The following ACTA2 variants were observed in gnomAD, a reference collection of about 807,000 sequenced individuals.
ACTA2 encodes the protein actin, aortic smooth muscle.
In ACTA2, 12 loss-of-function variants were observed where a neutral mutation model predicts 39.5. The observed-to-expected ratio is 0.30, with a 90% confidence interval of 0.19 to 0.49. The LOEUF (loss-of-function observed/expected upper bound fraction) is 0.49. Ranked by LOEUF, ACTA2 falls within the 20% of genes least tolerant of loss-of-function variation. The probability of loss-of-function intolerance (pLI) is 0.99; values close to 1 mark genes in which losing one functional copy is unlikely to be tolerated. For missense variants in ACTA2, 236 were observed against 498.8 expected (o/e 0.47, Z 5.02); for synonymous variants, 158 against 180.6 (o/e 0.88, Z 1.00).
Position 88,990,752 on chromosome 10 carries a change from A to ACGG in ACTA2, c.-24+184_-24+186dup, listed in dbSNP as rs1322049356. 1.1e-5 allele frequency: 13 copies of ACGG among 1,230,104 alleles called. No homozygotes were observed. The highest frequency in any genetic ancestry group is 1.5e-5 in the Non-Finnish European group (13 of 842,888). The allele number at this position is 1,230,104 out of a possible 1,614,324, so 76.2% of individuals were successfully genotyped here. ...TGGAGCCTCAGGGGCGGGCACTGGC[A>ACGG]CGGAACACACCCTGAGGCCAGCCCT... is the stretch of plus-strand genomic sequence containing the variant. On this transcript the variant is annotated intron_variant, in intron 1 of 4. Coordinates refer to the ACTA2 transcript ENST00000415557. The surrounding 1 kb of genome is among the most constrained non-coding windows in gnomAD (Gnocchi z 4.9).
Position 88,947,393 on chromosome 10 carries a change from AG to A in ACTA2, c.130-8del. The A allele has an allele frequency of 6.2e-7, 1 of 1,613,834 alleles. No individual in the cohort carries two copies. The highest frequency in any genetic ancestry group is 8.5e-7 in the Non-Finnish European group (1 of 1,179,832). On this transcript the variant is annotated splice_region_variant and splice_polypyrimidine_tract_variant and intron_variant, in intron 2 of 8. Transcript: ENST00000224784. ...CCATTCCCACCATCACCCCCTAAAA[AG>A]GTTCAACACATTATGAGTCAGCATC... is the stretch of plus-strand genomic sequence containing the variant.
At chr10:88,970,386 C>G (rs564769805) in intron 1 of ACTA2, among the ~76,000 whole-genome samples, 66 of 152,106 alleles carry the variant, frequency 4.3e-4, no homozygotes, top group Non-Finnish European at 7.9e-4. Flanking sequence ...TTGCTGTGCC[C>G]TTTTCTGACT....
chr10:88,972,551 AT>A (rs1341361306), intron 1 of ACTA2, among the ~76,000 whole-genome samples: 1 of 149,718 alleles, frequency 6.7e-6, no homozygotes, highest in Non-Finnish European at 1.5e-5. Flanking sequence ...ATATTGTTTA[AT>A]TTTTTTTCTA....
intron 1 of ACTA2, among the ~76,000 whole-genome samples, chr10:88,977,294 T>C (rs1170279031): frequency 1.3e-5 from 2 of 151,762 alleles, no homozygotes; most frequent in Non-Finnish European, 1.5e-5. Context: ...TTTATGGTTT[T>C]AGGTCTAACA....
rs143953886 is a variant in ACTA2, at chr10:88,943,602, A to G, written c.369+195T>C. The G allele has an allele frequency of 1.8e-4, 118 of 660,378 alleles. No individual in the cohort carries two copies. In the East Asian group the frequency reaches 2.3e-3, roughly 13 times the overall value. The allele number at this position is 660,378 out of a possible 1,614,324, so 40.9% of individuals were successfully genotyped here. ...AATTTCCTATTGCTTTTGGAGGCAAAGGGCTGGTCCCTGCAGGAAGGATGC... is the reference window on the plus strand; with the variant it reads ...AATTTCCTATTGCTTTTGGAGGCAAGGGGCTGGTCCCTGCAGGAAGGATGC... On this transcript the variant is annotated intron_variant, in intron 4 of 8. Transcript: ENST00000224784.
intron 1 of ACTA2, among the ~76,000 whole-genome samples, chr10:88,959,563 AAAAGT>A (rs1326850972): frequency 3.9e-5 from 6 of 152,240 alleles, no homozygotes; most frequent in Admixed American, 2.0e-4. Flanking sequence ...ATTAGAATAG[AAAAGT>A]TGTGAAGATA....
chr10:88,991,224 G>A (rs1055231965), exon 1 of ACTA2: 2 of 539,648 alleles, frequency 3.7e-6, no homozygotes, highest in Non-Finnish European at 6.7e-6. Context: ...TGGGCGTGGG[G>A]TGCGGACAGG....
chr10:88,940,239 G>A (rs1038249532), intron 6 of ACTA2: 4 of 189,482 alleles, frequency 2.1e-5, no homozygotes, highest in Non-Finnish European at 4.5e-5. Context: ...CTCAGGACCA[G>A]GCCTAGTCCA....
intron 8 of ACTA2, among the ~76,000 whole-genome samples, chr10:88,937,298 G>A (rs1287179666): frequency 6.6e-6 from 1 of 152,224 alleles, no homozygotes; most frequent in Non-Finnish European, 1.5e-5. Context: ...ACCCACGTGT[G>A]TGAACTGCAC....
chr10:88,990,952 CGG>C lies in ACTA2; in HGVS notation c.-39_-38del. The C allele has an allele frequency of 6.2e-7, 1 of 1,613,692 alleles. No individual in the cohort carries two copies. Among genetic ancestry groups the C allele is most frequent in the Non-Finnish European group, 8.5e-7 (1 of 1,179,660 alleles). ...GTGGAGGCTTACCCCGTCTTAGTCC[CGG>C]GGATAGGCAAAGTGGGGCGGGCGCG... On this transcript the variant is annotated 5_prime_UTR_variant, in exon 1 of 5. Transcript: ENST00000415557. This position sits in a 1 kb window ranked among gnomAD's most constrained non-coding sequence, Gnocchi z 4.9.
At chr10:88,947,066 T>G (rs915206155) in intron 3 of ACTA2, 192 bp downstream of exon 3, 12 of 719,610 alleles carry the variant, frequency 1.7e-5, no homozygotes, top group Non-Finnish European at 2.6e-5. Context: ...ACAAAGGACA[T>G]GAACTCATCA....
At position 88,990,819 on chromosome 10, in the gene ACTA2, G is replaced by C; in HGVS notation, c.-24+120C>G. On this transcript the variant is annotated intron_variant, in intron 1 of 4. Coordinates refer to the ACTA2 transcript ENST00000415557. The surrounding 1 kb of genome is among the most constrained non-coding windows in gnomAD (Gnocchi z 4.9). ...CTGCCTCTTCTCCCGCGGGTTGGTG[G>C]ACCCGCTCAGTACGGAGTTGGGGAA... 6.2e-7 allele frequency: 1 copy of C among 1,612,878 alleles called. No homozygotes were observed. Among genetic ancestry groups the C allele is most frequent in the Non-Finnish European group, 8.5e-7 (1 of 1,178,928 alleles).
intron 4 of ACTA2, among the ~76,000 whole-genome samples, chr10:88,943,539 A>G (rs1002274419): frequency 2.0e-5 from 3 of 152,208 alleles, no homozygotes; most frequent in Non-Finnish European, 4.4e-5. Flanking sequence ...CTTAGACATT[A>G]TAACTTAAAC....
exon 1 of ACTA2, chr10:88,991,193 C>T: frequency 1.8e-6 from 1 of 564,052 alleles, no homozygotes; most frequent in Non-Finnish European, 3.2e-6. Context: ...TCCTCGGAGA[C>T]CACTGCGCTC....
intron 1 of ACTA2, among the ~76,000 whole-genome samples, chr10:88,972,455 C>T (rs1846468910): frequency 6.6e-6 from 1 of 152,134 alleles, no homozygotes; most frequent in African/African-American, 2.4e-5. Context: ...ATATTTGATA[C>T]AGTTCGATTT....
Position 88,943,860 on chromosome 10 carries a change from C to T in ACTA2, c.306G>A (p.Glu102=). The T allele has an allele frequency of 6.2e-7, 1 of 1,613,980 alleles. No individual in the cohort carries two copies. ...FYNELRVAPE[E]HPTLLTEAPL... is the part of the protein sequence containing the mutation. ...GTGCCTCCGTGAGCAGGGTGGGATG[C>T]TCTTCAGGGGCAACACGAAGCTCAT... Residue 102 remains glutamate, a synonymous_variant, in exon 4 of 9, where the codon GAG becomes GAA. Transcript: ENST00000224784.
At chr10:88,949,034 T>A in intron 1 of ACTA2, 81 bp from the exon 2 acceptor site, 1 of 1,483,634 alleles carries the variant, frequency 6.7e-7, no homozygotes, top group Non-Finnish European at 9.3e-7. Flanking sequence ...CCTCCAAGGC[T>A]GGGTTTGGGG....
chr10:88,948,582 GA>G, intron 2 of ACTA2: 1 of 556,288 alleles, frequency 1.8e-6, no homozygotes, highest in Non-Finnish European at 3.2e-6. Flanking sequence ...AAAAGGACAT[GA>G]AAAAGGGGCA....
chr10:88,973,198 C>A, intron 1 of ACTA2: 1 of 1,612,344 alleles, frequency 6.2e-7, no homozygotes, highest in South Asian at 1.1e-5. Flanking sequence ...AAATTCCTTT[C>A]TGGGATAATT....
Sources: allele counts gnomAD v4.1 joint callset (sites outside exome capture counted in the v4.1 genomes callset), GRCh38; gene constraint gnomAD v4.1.1; non-coding constraint Gnocchi (gnomAD v3.1); transcripts MANE v1.5; gene names NCBI Gene and HGNC (gene_info 2026-07-23, HGNC 2026-07-21).